The following OR14J1 variants were observed in gnomAD, a reference collection of about 807,000 sequenced individuals.
OR14J1 encodes the protein olfactory receptor family 14 subfamily J member 1.
For synonymous variants in OR14J1, 140 were observed against 146.7 expected, an observed-to-expected ratio of 0.95 and a Z score of 0.33; for missense variants, 378 against 393.4, an observed-to-expected ratio of 0.96 and a Z score of 0.33.
Position 29,308,477 on chromosome 6 carries a change from A to T in OR14J1, c.*822A>T. On this transcript the variant is annotated 3_prime_UTR_variant, in exon 2 of 2. Transcript: ENST00000641895. Reference sequence around the variant, plus strand: ...TTATATTAATTCCTTTACTTTTCTGATCTGTACAAGAGTTTGACAAATTGG... The same window carrying T: ...TTATATTAATTCCTTTACTTTTCTGTTCTGTACAAGAGTTTGACAAATTGG... The T allele has an allele frequency of 6.6e-6, 1 of 152,128 alleles. No homozygotes were observed. The allele number at this position is 152,128 out of a possible 1,614,324, so 9.4% of individuals were successfully genotyped here.
chr6:29,311,703 A>G lies in OR14J1; in HGVS notation c.*4048A>G, dbSNP rs1162537868. The G allele has an allele frequency of 1.3e-5, 2 of 152,034 alleles. No individual in the cohort carries two copies. Among genetic ancestry groups the G allele is most frequent in the Non-Finnish European group, 2.9e-5 (2 of 68,008 alleles). 9.4% of individuals were successfully genotyped at this position (152,034 alleles called of 1,614,324 possible). On this transcript the variant is annotated 3_prime_UTR_variant, in exon 2 of 2. Transcript: ENST00000641895. ...AGGAATGGTACCAGCTCCTTTTTGT[A>G]CTTGCGGTAGAATTCGTCTGTGAAT... is the stretch of plus-strand genomic sequence containing the variant.
rs577909369 is a variant in OR14J1 at position 29,312,183 on chromosome 6, G to A, written c.*4528G>A. ...TTTGTTTTCTCTTGCTTCTCTAGTT[G>A]TTTTAATTGCGATATTAGAGTGTCG... On this transcript the variant is annotated 3_prime_UTR_variant, in exon 2 of 2. Transcript: ENST00000641895. 1 of 152,118 alleles carries A rather than the reference G, an allele frequency of 6.6e-6. No individual in the cohort carries two copies. Among genetic ancestry groups the A allele is most frequent in the African/African-American group, 2.4e-5 (1 of 41,500 alleles). 9.4% of individuals were successfully genotyped at this position (152,118 alleles called of 1,614,324 possible). A position where few individuals can be genotyped will look rare whatever the true frequency, so the allele number is the denominator to read the frequency against.
Position 29,306,874 on chromosome 6 carries a change from A to C in OR14J1, c.185A>C (p.Lys62Thr). ...RLHSPMYYFL[K>T]HLSLLDLCFI... Reference sequence around the variant, plus strand: ...CATTCCCCCATGTATTACTTTTTAAAGCACCTCTCTCTTCTGGACCTCTGC... The same window carrying C: ...CATTCCCCCATGTATTACTTTTTAACGCACCTCTCTCTTCTGGACCTCTGC... The change falls in exon 2 of 2, where the codon AAG becomes ACG. Residue 62 changes from lysine (K) to threonine (T), a missense_variant. Coordinates refer to ENST00000641895, the MANE Select transcript of OR14J1 (RefSeq NM_030946.2). 6.2e-7 allele frequency: 1 copy of C among 1,613,068 alleles called. No homozygotes were observed. Among genetic ancestry groups the C allele is most frequent in the South Asian group, 1.1e-5 (1 of 91,072 alleles).
chr6:29,307,294 C>CGTCTG lies in OR14J1; in HGVS notation c.606_610dup (p.Ala204GlyfsTer8). ...GAGATTGCACTGGCTGCATTCACAA[C>CGTCTG]GTCTGCAGCATTTATCTGTTTGATC... On this transcript the variant is annotated frameshift_variant, in exon 2 of 2. Coordinates refer to ENST00000641895, the MANE Select transcript of OR14J1 (RefSeq NM_030946.2). LOFTEE classifies it low-confidence loss of function (END_TRUNC). The CGTCTG allele has an allele frequency of 6.2e-7, 1 of 1,612,868 alleles. No individual in the cohort carries two copies. Among genetic ancestry groups the CGTCTG allele is most frequent in the Middle Eastern group, 1.6e-4 (1 of 6,062 alleles).
In OR14J1 at chr6:29,307,428, A is replaced by C. The variant is rs1450137389; in HGVS notation, c.739A>C (p.Thr247Pro). ...STCLPHLFVATFFLSAAGFEF... is the reference protein window; with the variant it reads ...STCLPHLFVAPFFLSAAGFEF... ...CTGCCTACCACACCTATTTGTAGCCACCTTCTTTCTTTCAGCTGCAGGCTT... is the reference window on the plus strand; with the variant it reads ...CTGCCTACCACACCTATTTGTAGCCCCCTTCTTTCTTTCAGCTGCAGGCTT... Residue 247 changes from threonine (T) to proline (P), a missense_variant, in exon 2 of 2, where the codon ACC (threonine) becomes CCC (proline). Coordinates refer to ENST00000641895, the MANE Select transcript of OR14J1 (RefSeq NM_030946.2). 1.2e-6 allele frequency: 2 copies of C among 1,612,870 alleles called. No individual in the cohort carries two copies. The highest frequency in any genetic ancestry group is 1.7e-6 in the Non-Finnish European group (2 of 1,180,020).
Position 29,307,052 on chromosome 6 carries a change from C to A in OR14J1, c.363C>A (p.Tyr121Ter), listed in dbSNP as rs754637674. Residue 121 changes from tyrosine to a stop codon, truncating the protein, a stop_gained, in exon 2 of 2, where the codon TAC becomes TAA. Coordinates refer to ENST00000641895, the MANE Select transcript of OR14J1 (RefSeq NM_030946.2). LOFTEE classifies it low-confidence loss of function (END_TRUNC). ...TCACAGTGATGTCTTATGACAGGTA[C>A]GCAGCAATCTGTCAACCACTTCATT... ...AILTVMSYDR[Y>*]AAICQPLHYE... is the part of the protein sequence containing the mutation. The A allele has an allele frequency of 1.2e-6, 2 of 1,612,970 alleles. No individual in the cohort carries two copies. The highest frequency in any genetic ancestry group is 1.7e-5 in the Admixed American group (1 of 60,024).
chr6:29,307,573 T>C lies in OR14J1; in HGVS notation c.884T>C (p.Met295Thr), dbSNP rs1421639130. The change falls in exon 2 of 2, where the codon ATG becomes ACG. Residue 295 changes from methionine (M) to threonine (T), a missense_variant. Physicochemically the swap from Met to Thr is moderately conservative, Grantham distance 81. Transcript: ENST00000641895. ...PVIYSLRNDS[M>T]KAALRKMLSK... The stretch of plus-strand genomic sequence containing the variant: ...ATTTATAGCTTACGGAATGATTCCA[T>C]GAAGGCAGCACTGAGGAAGATGCTG... The C allele has an allele frequency of 1.2e-6, 2 of 1,612,484 alleles. No homozygotes were observed. Among genetic ancestry groups the C allele is most frequent in the East Asian group, 2.2e-5 (1 of 44,882 alleles).
In OR14J1 at chr6:29,308,166, T is replaced by C. The variant is rs1010488863; in HGVS notation, c.*511T>C. 1 of 152,202 alleles carries C rather than the reference T, an allele frequency of 6.6e-6. No individual in the cohort carries two copies. The highest frequency in any genetic ancestry group is 1.5e-5 in the Non-Finnish European group (1 of 68,034). 9.4% of individuals were successfully genotyped at this position (152,202 alleles called of 1,614,324 possible). ...CAACTCTTCTAGCTATAACATATTG[T>C]CCCCATTTTGCCAATAGGAACAATA... On this transcript the variant is annotated 3_prime_UTR_variant, in exon 2 of 2. Coordinates refer to ENST00000641895, the MANE Select transcript of OR14J1 (RefSeq NM_030946.2).
Position 29,307,363 on chromosome 6 carries a change from G to C in OR14J1, c.674G>C (p.Arg225Thr), listed in dbSNP as rs1366094665. Residue 225 changes from arginine to threonine, a missense_variant, in exon 2 of 2, where the codon AGA (arginine) becomes ACA (threonine). Coordinates refer to ENST00000641895, the MANE Select transcript of OR14J1 (RefSeq NM_030946.2). ...SYIRIFSTVL[R>T]IPSAEGRTKV... The stretch of plus-strand genomic sequence containing the variant: ...ATTCGCATCTTCTCTACAGTGCTGA[G>C]AATCCCATCAGCTGAGGGCCGGACC... 1.2e-6 allele frequency: 2 copies of C among 1,613,048 alleles called. No individual in the cohort carries two copies. Among genetic ancestry groups the C allele is most frequent in the Non-Finnish European group, 8.5e-7 (1 of 1,180,034 alleles).
rs1775305863 is a variant in OR14J1, at chr6:29,308,939, A to T, written c.*1284A>T. The T allele has an allele frequency of 6.6e-6, 1 of 151,896 alleles. No homozygotes were observed. The highest frequency in any genetic ancestry group is 1.5e-5 in the Non-Finnish European group (1 of 67,996). The allele number at this position is 151,896 out of a possible 1,614,324, so 9.4% of individuals were successfully genotyped here. On this transcript the variant is annotated 3_prime_UTR_variant, in exon 2 of 2. Transcript: ENST00000641895. ...TGCAGAACTTGCAGGTTTGTTACGTAGGTATATACATGCCATGGTGGTTTG... is the reference window on the plus strand; with the variant it reads ...TGCAGAACTTGCAGGTTTGTTACGTTGGTATATACATGCCATGGTGGTTTG...
chr6:29,302,069 G>A (rs182279525), intron 1 of OR14J1, among the ~76,000 whole-genome samples: 36 of 151,646 alleles, frequency 2.4e-4, no homozygotes, highest in African/African-American at 8.7e-4. Flanking sequence ...TTCTTGGGTC[G>A]ACAGTTAAAC....
Position 29,307,966 on chromosome 6 carries a change from G to T in OR14J1, c.*311G>T. On this transcript the variant is annotated 3_prime_UTR_variant, in exon 2 of 2. Transcript: ENST00000641895. The stretch of plus-strand genomic sequence containing the variant: ...GGTTGGAGATAGATGAAGCTAACTG[G>T]GTTAATATTATGGTGCATATATGGT... The T allele has an allele frequency of 4.4e-6, 1 of 226,470 alleles. No homozygotes were observed. Among genetic ancestry groups the T allele is most frequent in the Non-Finnish European group, 8.6e-6 (1 of 116,528 alleles). The allele number at this position is 226,470 out of a possible 1,614,324, so 14.0% of individuals were successfully genotyped here. A position where few individuals can be genotyped will look rare whatever the true frequency, so the allele number is the denominator to read the frequency against.
In OR14J1 at chr6:29,307,167, A is replaced by G. The variant is rs149425297; in HGVS notation, c.478A>G (p.Ile160Val). 102 of 1,612,888 alleles carry G rather than the reference A, an allele frequency of 6.3e-5. No homozygotes were observed. Among genetic ancestry groups the G allele is most frequent in the Admixed American group, 8.3e-5 (5 of 59,986 alleles). Reference protein sequence around the residue: ...GGLSGLMHAAINFSIPLCGKR... With the variant: ...GGLSGLMHAAVNFSIPLCGKR... ...CCTCTCTGGGCTCATGCATGCTGCC[A>G]TTAACTTCTCCATACCTCTCTGTGG... is the stretch of plus-strand genomic sequence containing the variant. Residue 160 changes from isoleucine to valine, a missense_variant, in exon 2 of 2, where the codon ATT becomes GTT. Transcript: ENST00000641895.
intron 1 of OR14J1, among the ~76,000 whole-genome samples, chr6:29,303,914 G>A (rs1395848480): frequency 6.6e-6 from 1 of 151,498 alleles, no homozygotes; most frequent in Non-Finnish European, 1.5e-5. Flanking sequence ...TTATGAAAGA[G>A]AGAGAGAGAG....
intron 1 of OR14J1, among the ~76,000 whole-genome samples, 174 bp downstream of exon 1, chr6:29,301,961 G>A (rs1774727464): frequency 6.6e-6 from 1 of 152,008 alleles, no homozygotes; most frequent in African/African-American, 2.4e-5. Context: ...AAATAAGGTA[G>A]TATAAATTAT....
intron 1 of OR14J1, among the ~76,000 whole-genome samples, chr6:29,304,220 A>G (rs981831952): frequency 2.0e-5 from 3 of 152,204 alleles, no homozygotes; most frequent in Non-Finnish European, 2.9e-5. Context: ...AGCTACTGGA[A>G]TGAATTAGAG....
In OR14J1 at chr6:29,310,924, T is replaced by G. The variant is rs961563581; in HGVS notation, c.*3269T>G. On this transcript the variant is annotated 3_prime_UTR_variant, in exon 2 of 2. Transcript: ENST00000641895. ...GGCTCTCTGTTTTTTTTATTATTGG[T>G]GTATAGGAATGCTTGTGGTTTTTGC... 1.3e-5 allele frequency: 2 copies of G among 152,100 alleles called. No homozygotes were observed. The highest frequency in any genetic ancestry group is 2.4e-5 in the African/African-American group (1 of 41,406). The allele number at this position is 152,100 out of a possible 1,614,324, so 9.4% of individuals were successfully genotyped here.
At chr6:29,305,777 A>G (rs1209337116) in intron 1 of OR14J1, among the ~76,000 whole-genome samples, 1 of 151,888 alleles carries the variant, frequency 6.6e-6, no homozygotes, top group African/African-American at 2.4e-5. Context: ...GGCTCCCACT[A>G]TCTAATATAT....
At position 29,310,582 on chromosome 6, in the gene OR14J1, T is replaced by C. The variant is rs1775435050; in HGVS notation, c.*2927T>C. The C allele has an allele frequency of 6.6e-6, 1 of 152,178 alleles. No homozygotes were observed. Among genetic ancestry groups the C allele is most frequent in the Non-Finnish European group, 1.5e-5 (1 of 68,026 alleles). The allele number at this position is 152,178 out of a possible 1,614,324, so 9.4% of individuals were successfully genotyped here. On this transcript the variant is annotated 3_prime_UTR_variant, in exon 2 of 2. Transcript: ENST00000641895. Reference sequence around the variant, plus strand: ...GCTTTGTTCTTTTTGCTTAGGATTATCTTGGCTATGTGGGCTCTTGTTTGG... The same window carrying C: ...GCTTTGTTCTTTTTGCTTAGGATTACCTTGGCTATGTGGGCTCTTGTTTGG...
Sources: gnomAD v4.1 joint callset for allele counts (sites outside exome capture counted in the v4.1 genomes callset) on GRCh38, gnomAD v4.1.1 for gene constraint, MANE v1.5 for transcripts, NCBI Gene and HGNC (gene_info 2026-07-23, HGNC 2026-07-21) for gene names.